CLIC5: variants seen among roughly 807,000 people sequenced by gnomAD.
CLIC5 encodes chloride intracellular channel protein 5.
Under a neutral mutation model 24.7 loss-of-function variants are expected in CLIC5, and 20 were observed. The observed-to-expected ratio is 0.81, with a 90% CI of 0.57 to 1.18. CLIC5 has a LOEUF of 1.18. Ranked by LOEUF, CLIC5 falls within the 50% of genes most tolerant of loss-of-function variation. CLIC5 has a pLI of 0.00. For synonymous variants in CLIC5, 159 were observed against 135.6 expected, an observed-to-expected ratio of 1.17 and a Z score of -1.20; for missense variants, 341 against 326.1, an observed-to-expected ratio of 1.05 and a Z score of -0.35.
At chr6:45,913,406 A>G (rs1388676860) in intron 5 of CLIC5, among the ~76,000 whole-genome samples, 1 of 152,078 alleles carries the variant, frequency 6.6e-6, no homozygotes, top group African/African-American at 2.4e-5. Flanking sequence ...GTTACTCTAG[A>G]GAAAAAATGG....
At chr6:45,988,396 C>T (rs926464387) in intron 1 of CLIC5, among the ~76,000 whole-genome samples, 5 of 152,260 alleles carry the variant, frequency 3.3e-5, no homozygotes, top group East Asian at 1.9e-4. Flanking sequence ...GTCTCAGCCA[C>T]GTTAGGGAGG....
intron 4 of CLIC5, among the ~76,000 whole-genome samples, chr6:45,936,262 T>C (rs1763930703): frequency 7.1e-6 from 1 of 140,646 alleles, no homozygotes; most frequent in South Asian, 2.4e-4. Context: ...TGGAGTGCAA[T>C]GACGTGATCT....
intron 4 of CLIC5, chr6:45,937,330 G>A (rs576584832): frequency 2.1e-4 from 32 of 152,322 alleles, no homozygotes; most frequent in African/African-American, 7.2e-4. Context: ...CAGACACTGC[G>A]CTAAGGGTTT....
chr6:45,949,283 A>G lies in CLIC5; in HGVS notation c.272T>C (p.Phe91Ser). 1 of 1,613,858 alleles carries G rather than the reference A, an allele frequency of 6.2e-7. No individual in the cohort carries two copies. The highest frequency in any genetic ancestry group is 8.5e-7 in the Non-Finnish European group (1 of 1,179,840). The change falls in exon 3 of 6, where the codon TTC (phenylalanine) becomes TCC (serine). Residue 91 changes from phenylalanine to serine, a missense_variant. Phe to Ser is a radical substitution (Grantham distance 155). Coordinates refer to ENST00000339561, the MANE Select transcript of CLIC5 (RefSeq NM_016929.5). ...TTCAGGGGTCAAGGTCTCCTCCAGG[A>G]ACTCCTCGATCTTATTGACGTCTGT... ...VKTDVNKIEE[F>S]LEETLTPEKY...
intron 1 of CLIC5, among the ~76,000 whole-genome samples, chr6:46,070,442 G>C (rs1343489094): frequency 6.6e-6 from 1 of 152,090 alleles, no homozygotes; most frequent in African/African-American, 2.4e-5. Context: ...GTCAAGCTGA[G>C]AGCCAAATCA....
intron 1 of CLIC5, among the ~76,000 whole-genome samples, chr6:45,997,534 C>G (rs555340806): frequency 1.3e-5 from 2 of 151,006 alleles, no homozygotes; most frequent in South Asian, 4.2e-4. Context: ...AAAAGAAAGC[C>G]AGTTCTTGGC....
chr6:46,019,265 G>T (rs1282015293), upstream of CLIC5, among the ~76,000 whole-genome samples: 1 of 152,198 alleles, frequency 6.6e-6, no homozygotes, highest in African/African-American at 2.4e-5. Context: ...GCTGAAGATT[G>T]TTGGATTGCA....
At chr6:46,100,276 CAAACAA>C in the CLIC5 span, among the ~76,000 whole-genome samples, 2 of 152,170 alleles carry the variant, frequency 1.3e-5, no homozygotes, top group Admixed American at 6.5e-5. Context: ...AACAAACAAA[CAAACAA>C]AAACAAAAAC....
chr6:45,985,257 T>C (rs921425948), intron 1 of CLIC5, among the ~76,000 whole-genome samples: 1 of 152,160 alleles, frequency 6.6e-6, no homozygotes, highest in Non-Finnish European at 1.5e-5. Context: ...TGGTAAGAGA[T>C]GGGCCCAGAG....
At chr6:46,030,422 C>G (rs1020036070) in intron 1 of CLIC5, among the ~76,000 whole-genome samples, 2 of 152,198 alleles carry the variant, frequency 1.3e-5, no homozygotes, top group African/African-American at 4.8e-5. Flanking sequence ...CCTAACTGCT[C>G]TTTTGCTTTC....
At chr6:45,914,582 C>T in intron 4 of CLIC5, 173 bp from the exon 5 acceptor site, 2 of 1,214,374 alleles carry the variant, frequency 1.6e-6, no homozygotes, top group Non-Finnish European at 2.1e-6. Context: ...TAGAAGTGTA[C>T]TAAATAGGCT....
intron 3 of CLIC5, among the ~76,000 whole-genome samples, chr6:45,948,663 C>G (rs375795750): frequency 6.6e-6 from 1 of 152,146 alleles, no homozygotes; most frequent in African/African-American, 2.4e-5. Context: ...TTTTACTGCT[C>G]TTTTCCATCA....
intron 1 of CLIC5, among the ~76,000 whole-genome samples, chr6:46,006,981 A>G (rs1766609936): frequency 1.3e-5 from 2 of 152,074 alleles, no homozygotes; most frequent in South Asian, 4.1e-4. Context: ...CCCAAAAGAC[A>G]TTTTTTAAAG....
chr6:46,009,759 A>C (rs1766735372), intron 1 of CLIC5, among the ~76,000 whole-genome samples: 2 of 152,306 alleles, frequency 1.3e-5, no homozygotes, highest in South Asian at 4.2e-4. Context: ...GATCCTCTTG[A>C]AAATAAAGAG....
intron 4 of CLIC5, among the ~76,000 whole-genome samples, chr6:45,921,736 T>C (rs1412006812): frequency 1.3e-5 from 2 of 152,182 alleles, no homozygotes; most frequent in Admixed American, 6.5e-5. Flanking sequence ...CTCTTGACTT[T>C]CCTAACATGT....
the CLIC5 span, among the ~76,000 whole-genome samples, chr6:46,108,822 T>A: frequency 6.6e-6 from 1 of 152,212 alleles, no homozygotes; most frequent in East Asian, 1.9e-4. Context: ...TGACTTGTGT[T>A]CCCATTTTGA....
In CLIC5 at chr6:45,966,070, G is replaced by A. The variant is rs568170752; in HGVS notation, c.64-10826C>T. Among the ~76,000 whole-genome samples, 12 of 152,206 alleles carry A rather than the reference G, an allele frequency of 7.9e-5. No homozygotes were observed. In the South Asian group the frequency reaches 2.5e-3, roughly 32 times the overall value. On this transcript the variant is annotated intron_variant, in intron 1 of 5. Transcript: ENST00000339561. The stretch of plus-strand genomic sequence containing the variant: ...CCTCTTAATAGGATAAGCTGGGCTG[G>A]AAAGACTTTAGAGACATCCCAAAAT...
chr6:45,970,089 C>A (rs1482703169), intron 1 of CLIC5, among the ~76,000 whole-genome samples: 1 of 152,194 alleles, frequency 6.6e-6, no homozygotes, highest in East Asian at 1.9e-4. Context: ...TCTCCTCACC[C>A]CCAGCCAGCA....
At chr6:45,885,023 C>T (rs1762294107) in intron 6 of CLIC5, among the ~76,000 whole-genome samples, 1 of 108,020 alleles carries the variant, frequency 9.3e-6, no homozygotes, top group Non-Finnish European at 1.9e-5. Flanking sequence ...AAAGACAATT[C>T]AGTTGAGAGA....
Sources: gnomAD v4.1 joint callset for allele counts (sites outside exome capture counted in the v4.1 genomes callset) on GRCh38, gnomAD v4.1.1 for gene constraint, MANE v1.5 for transcripts, NCBI Gene and HGNC (gene_info 2026-07-23, HGNC 2026-07-21) for gene names.